The following UNC5A variants were observed in gnomAD, a reference collection of about 807,000 sequenced individuals.
UNC5A encodes the protein unc-5 netrin receptor A, also known as netrin receptor UNC5A.
Under a neutral mutation model 87.4 loss-of-function variants are expected in UNC5A, and 20 were observed. That is an observed-to-expected ratio of 0.23 (90% CI 0.16 to 0.33). The LOEUF is 0.33. Among genes scored for constraint, UNC5A ranks in the 10% least tolerant of loss-of-function variants. The pLI, the probability that UNC5A is intolerant of heterozygous loss-of-function variation, is 1.00. For missense variants in UNC5A, 844 were observed against 1,133.4 expected, an observed-to-expected ratio of 0.74 and a Z score of 3.67; for synonymous variants, 438 against 482.3, an observed-to-expected ratio of 0.91 and a Z score of 1.20.
intron 9 of UNC5A, 44 bp downstream of exon 9, chr5:176,877,323 T>A: frequency 1.3e-6 from 2 of 1,548,564 alleles, no homozygotes; most frequent in Non-Finnish European, 1.8e-6. Flanking sequence ...GGGACCTGCC[T>A]GCTGCCTTCG....
At chr5:176,846,642 T>A (rs1481061210) in intron 1 of UNC5A, among the ~76,000 whole-genome samples, 3 of 152,138 alleles carry the variant, frequency 2.0e-5, no homozygotes. Context: ...GACTTACCAC[T>A]TGGATGATCT....
At position 176,879,551 on chromosome 5, in the gene UNC5A, G is replaced by A; in HGVS notation, c.2363+63G>A. 6 of 1,550,482 alleles carry A rather than the reference G, an allele frequency of 3.9e-6. No individual in the cohort carries two copies. The Middle Eastern group carries it at 5.3e-4, about 138-fold the overall frequency. ...ACCGACAGTCCTGCCCGGCGGCGGGGTGGGTGAGGTGGACAGGAGGCCCTG... is the reference window on the plus strand; with the variant it reads ...ACCGACAGTCCTGCCCGGCGGCGGGATGGGTGAGGTGGACAGGAGGCCCTG... On this transcript the variant is annotated intron_variant, in intron 14 of 14. Coordinates refer to ENST00000329542, the MANE Select transcript of UNC5A (RefSeq NM_133369.3).
chr5:176,860,794 C>T lies in UNC5A; in HGVS notation c.71-1830C>T, dbSNP rs576538146. Among the ~76,000 whole-genome samples, 6 of 152,290 alleles carry T rather than the reference C, an allele frequency of 3.9e-5. No homozygotes were observed. In the South Asian group the frequency reaches 8.3e-4, roughly 21 times the overall value. ...GCAAGTGTGACCCCGCTTATGAATG[C>T]GGGCTTGGTGTCCATAACAGAGCTG... is the stretch of plus-strand genomic sequence containing the variant. On this transcript the variant is annotated intron_variant, in intron 1 of 14. Transcript: ENST00000329542.
chr5:176,858,089 C>T (rs900367999), intron 1 of UNC5A, among the ~76,000 whole-genome samples: 2 of 152,246 alleles, frequency 1.3e-5, no homozygotes, highest in East Asian at 3.8e-4. Flanking sequence ...GTAGGCACCC[C>T]ACCCCGAGGC....
chr5:176,831,727 G>A (rs893153), intron 1 of UNC5A, among the ~76,000 whole-genome samples: 14,544 of 151,990 alleles, frequency 0.096, 1,429 homozygotes, highest in African/African-American at 0.25. Flanking sequence ...ACCCCTGGCC[G>A]CTGCTTCCTG....
chr5:176,864,829 G>C, intron 2 of UNC5A: 1 of 456,134 alleles, frequency 2.2e-6, no homozygotes, highest in Non-Finnish European at 4.4e-6. Context: ...GAGATAGAGA[G>C]GGTTGGCGGC....
At chr5:176,846,964 C>T (rs577298954) in intron 1 of UNC5A, among the ~76,000 whole-genome samples, 11 of 152,260 alleles carry the variant, frequency 7.2e-5, no homozygotes, top group African/African-American at 2.2e-4. Context: ...GACGCAGAGC[C>T]GCGCACATGC....
At position 176,865,448 on chromosome 5, in the gene UNC5A, C is replaced by A; in HGVS notation, c.292+2603C>A. Reference sequence around the variant, plus strand: ...CACACTCCCCAGCCGGCTCCTGTGGCCCTGTTCTCTTCCTGCCGGGCAGAG... The same window carrying A: ...CACACTCCCCAGCCGGCTCCTGTGGACCTGTTCTCTTCCTGCCGGGCAGAG... On this transcript the variant is annotated intron_variant, in intron 2 of 14. Coordinates refer to ENST00000329542, the MANE Select transcript of UNC5A (RefSeq NM_133369.3). The surrounding 1 kb of genome is among the most constrained non-coding windows in gnomAD (Gnocchi z 5.3). 5.3e-6 allele frequency: 2 copies of A among 378,180 alleles called. No homozygotes were observed. The highest frequency in any genetic ancestry group is 5.3e-6 in the Non-Finnish European group (1 of 188,404). The allele number at this position is 378,180 out of a possible 1,614,324, so 23.4% of individuals were successfully genotyped here.
intron 1 of UNC5A, among the ~76,000 whole-genome samples, chr5:176,842,745 GGTATAGT>G (rs1261262354): frequency 6.6e-6 from 1 of 152,044 alleles, no homozygotes; most frequent in Non-Finnish European, 1.5e-5. Context: ...CTACAAATAG[GGTATAGT>G]GTATACTGCT....
chr5:176,863,801 T>TCCCC (rs1554099346), intron 2 of UNC5A, among the ~76,000 whole-genome samples: 1 of 15,588 alleles, frequency 6.4e-5, no homozygotes. Context: ...CCTTCTTCCC[T>TCCCC]CCTTCCCCTC....
intron 6 of UNC5A, among the ~76,000 whole-genome samples, chr5:176,872,926 C>T: frequency 7.6e-6 from 1 of 130,908 alleles, no homozygotes; most frequent in South Asian, 2.6e-4. Context: ...CCACACTCAC[C>T]CAACACCACA....
At position 176,824,869 on chromosome 5, in the gene UNC5A, A is replaced by AC. The variant is rs759090350; in HGVS notation, c.70+14054dup. ...CCACTCCGTATCCCCCACCCCATGC[A>AC]CCCCCAGTGCCTGCGCACTGCCCTC... On this transcript the variant is annotated intron_variant, in intron 1 of 14. Transcript: ENST00000329542. The surrounding 1 kb of genome is among the most constrained non-coding windows in gnomAD (Gnocchi z 4.2). Among the ~76,000 whole-genome samples the AC allele has an allele frequency of 2.2e-5, 3 of 137,354 alleles. No individual in the cohort carries two copies. The highest frequency in any genetic ancestry group is 4.7e-5 in the Non-Finnish European group (3 of 64,062). 90.1% of individuals were successfully genotyped at this position (137,354 alleles called of 152,430 possible).
At chr5:176,858,897 G>C (rs894113348) in intron 1 of UNC5A, among the ~76,000 whole-genome samples, 6 of 152,136 alleles carry the variant, frequency 3.9e-5, no homozygotes, top group African/African-American at 1.2e-4. Context: ...ATTCAGGTGA[G>C]AGCCCTGACC....
intron 1 of UNC5A, among the ~76,000 whole-genome samples, chr5:176,854,464 G>A (rs375660562): frequency 2.6e-5 from 4 of 152,324 alleles, no homozygotes; most frequent in African/African-American, 4.8e-5. Context: ...ACTCCCCTGC[G>A]TGTCTGCAAG....
rs1385525637 is a variant in UNC5A, at chr5:176,875,558, G to A, written c.1378+992G>A. On this transcript the variant is annotated intron_variant, in intron 8 of 14. Transcript: ENST00000329542. This position sits in a 1 kb window ranked among gnomAD's most constrained non-coding sequence, Gnocchi z 5.2. ...CCTCCCTTGCTGCCTCTCCTGACAC[G>A]GGCCACCAAACCCCTTACCTGGTTC... is the stretch of plus-strand genomic sequence containing the variant. Among the ~76,000 whole-genome samples, 2 of 151,938 alleles carry A rather than the reference G, an allele frequency of 1.3e-5. No homozygotes were observed. Among genetic ancestry groups the A allele is most frequent in the Non-Finnish European group, 2.9e-5 (2 of 68,000 alleles).
chr5:176,839,647 C>T (rs1454390944), intron 1 of UNC5A, among the ~76,000 whole-genome samples: 3 of 152,170 alleles, frequency 2.0e-5, no homozygotes, highest in South Asian at 2.1e-4. Context: ...TGGCAGGGCC[C>T]GTGGCAGGAA....
rs78360018 is a variant in UNC5A at position 176,880,009 on chromosome 5, G to A, written c.*123G>A. The stretch of plus-strand genomic sequence containing the variant: ...TGCTCGGACAGGCCCCCTCCCGGCC[G>A]AAGCTGTCCCTTAATGCTGGTCCTT... On this transcript the variant is annotated 3_prime_UTR_variant, in exon 15 of 15. Coordinates refer to ENST00000329542, the MANE Select transcript of UNC5A (RefSeq NM_133369.3). The A allele has an allele frequency of 4.5e-3, 5,917 of 1,308,980 alleles. 104 individuals are homozygous for A. The African/African-American group carries it at 0.05, about 11-fold the overall frequency. 81.1% of individuals were successfully genotyped at this position (1,308,980 alleles called of 1,614,324 possible).
At chr5:176,868,003 TAAA>T in intron 2 of UNC5A, 124 bp from the exon 3 acceptor site, 3 of 571,924 alleles carry the variant, frequency 5.2e-6, no homozygotes, top group Non-Finnish European at 7.5e-6. Context: ...TAATAAAATT[TAAA>T]AAAAAAAAAA....
chr5:176,811,727 A>T (rs986932814), intron 1 of UNC5A, among the ~76,000 whole-genome samples: 2 of 150,800 alleles, frequency 1.3e-5, no homozygotes, highest in Non-Finnish European at 3.0e-5. Context: ...AGTTGAGCGT[A>T]TGTGTCTGTG....
Sources: gnomAD v4.1 joint callset for allele counts (sites outside exome capture counted in the v4.1 genomes callset) on GRCh38, gnomAD v4.1.1 for gene constraint, Gnocchi (gnomAD v3.1) non-coding constraint, MANE v1.5 for transcripts, NCBI Gene and HGNC (gene_info 2026-07-23, HGNC 2026-07-21) for gene names.